ANK1: variants seen among roughly 807,000 people sequenced by gnomAD.
ANK1 encodes the protein ankyrin 1.
In ANK1, 51 loss-of-function variants were observed where a neutral mutation model predicts 210.4. That is an observed-to-expected ratio of 0.24 (90% CI 0.19 to 0.31). ANK1 has a LOEUF of 0.31. Among genes scored for constraint, ANK1 ranks in the 10% least tolerant of loss-of-function variants. ANK1 has a pLI of 1.00. For synonymous variants in ANK1, 967 were observed against 1,025.9 expected (o/e 0.94, Z 1.10); for missense variants, 2,051 against 2,504.4 (o/e 0.82, Z 3.86).
intron 1 of ANK1, among the ~76,000 whole-genome samples, chr8:41,874,582 G>A (rs1816208281): frequency 6.6e-6 from 1 of 152,194 alleles, no homozygotes; most frequent in Non-Finnish European, 1.5e-5. Flanking sequence ...GTGGAGATGA[G>A]TTCATTCCAT....
intron 11 of ANK1, 25 bp downstream of exon 11, chr8:41,718,081 C>T (rs1459014458): frequency 4.3e-6 from 7 of 1,610,936 alleles, no homozygotes; most frequent in Non-Finnish European, 5.9e-6. Flanking sequence ...GGCCTGCCCC[C>T]AGGCTCCTCT....
intron 1 of ANK1, among the ~76,000 whole-genome samples, chr8:41,847,660 C>T (rs2150809203): frequency 6.6e-6 from 1 of 152,258 alleles, no homozygotes; most frequent in Non-Finnish European, 1.5e-5. Context: ...ACTCTAAGTT[C>T]CTGCTCTAAC....
At chr8:41,771,001 C>T (rs1047451295) in intron 1 of ANK1, among the ~76,000 whole-genome samples, 1 of 152,218 alleles carries the variant, frequency 6.6e-6, no homozygotes, top group African/African-American at 2.4e-5. Context: ...CCTTGCTTTC[C>T]CCACCTACTC....
At chr8:41,885,550 G>C (rs1472876728) in intron 1 of ANK1, among the ~76,000 whole-genome samples, 5 of 152,200 alleles carry the variant, frequency 3.3e-5, no homozygotes, top group African/African-American at 9.7e-5. Flanking sequence ...TGCATTGTGT[G>C]CTATCCCAAA....
intron 2 of ANK1, among the ~76,000 whole-genome samples, chr8:41,746,049 A>G (rs1586655300): frequency 1.3e-5 from 2 of 152,282 alleles, no homozygotes; most frequent in African/African-American, 2.4e-5. Context: ...GAGTTCTGAT[A>G]TTATTCCAGG....
chr8:41,893,429 T>C (rs1046846732), intron 1 of ANK1, among the ~76,000 whole-genome samples: 4 of 152,182 alleles, frequency 2.6e-5, no homozygotes, highest in Non-Finnish European at 1.5e-5. Context: ...CTCAGTTCCC[T>C]GCGTCGAGGT....
At chr8:41,880,917 C>T (rs1340026574) in intron 1 of ANK1, among the ~76,000 whole-genome samples, 1 of 152,262 alleles carries the variant, frequency 6.6e-6, no homozygotes, top group African/African-American at 2.4e-5. Context: ...GGCCAAGGGC[C>T]ATTTCCAAGT....
At chr8:41,739,647 G>A (rs2150682546) in intron 2 of ANK1, among the ~76,000 whole-genome samples, 1 of 151,238 alleles carries the variant, frequency 6.6e-6, no homozygotes, top group East Asian at 2.0e-4. Context: ...CTTCTTCTGT[G>A]AAGTTGTCAG....
At chr8:41,746,449 G>A (rs943559401) in intron 2 of ANK1, among the ~76,000 whole-genome samples, 16 of 152,134 alleles carry the variant, frequency 1.1e-4, no homozygotes, top group African/African-American at 2.7e-4. Context: ...GGAGGCAACC[G>A]GCTCTGAGCA....
Position 41,694,622 on chromosome 8 carries a change from G to A in ANK1, c.3297C>T (p.Ala1099=), listed in dbSNP as rs1201691938. 20 of 1,613,728 alleles carry A rather than the reference G, an allele frequency of 1.2e-5. No homozygotes were observed. Among genetic ancestry groups the A allele is most frequent in the Admixed American group, 6.7e-5 (4 of 59,996 alleles). ...GAGCCAGCTTCACTCTCTTGGTGAC[G>A]GCATTCTCCGGGAACGTTGCCTGTA... The part of the protein sequence containing the change: ...PLVQATFPEN[A]VTKRVKLALQ... Residue 1099 remains alanine, a synonymous_variant, in exon 28 of 43, where the codon GCC becomes GCT. Transcript: ENST00000289734. This position sits in a 1 kb window ranked among gnomAD's most constrained non-coding sequence, Gnocchi z 5.7.
intron 1 of ANK1, among the ~76,000 whole-genome samples, chr8:41,872,835 C>T (rs181567095): frequency 6.6e-6 from 1 of 152,366 alleles, no homozygotes; most frequent in East Asian, 1.9e-4. Flanking sequence ...CACCCAAAGC[C>T]TCAGAGCACA....
rs1826931142 is a variant in ANK1, at chr8:41,714,097, CTGG to C, written c.1800+56_1800+58del. On this transcript the variant is annotated intron_variant, in intron 16 of 42. Transcript: ENST00000289734. ...TGTGGAAACCCCCCTCCCTGAGGGA[CTGG>C]AAGGTAGCAGGTGACCTGCTCTCCA... 3.3e-6 allele frequency: 4 copies of C among 1,216,812 alleles called. No individual in the cohort carries two copies. The South Asian group carries it at 1.4e-4, about 42-fold the overall frequency. The allele number at this position is 1,216,812 out of a possible 1,614,324, so 75.4% of individuals were successfully genotyped here. A position where few individuals can be genotyped will look rare whatever the true frequency, so the allele number is the denominator to read the frequency against.
intron 42 of ANK1, chr8:41,661,024 A>G (rs1807907069): frequency 3.6e-6 from 1 of 275,330 alleles, no homozygotes; most frequent in African/African-American, 2.3e-5. Context: ...TTCAAAGAGC[A>G]TTTTTTTCTT....
chr8:41,894,893 G>A (rs1234943223), intron 1 of ANK1, among the ~76,000 whole-genome samples: 1 of 152,040 alleles, frequency 6.6e-6, no homozygotes, highest in African/African-American at 2.4e-5. Context: ...TTCATCATCG[G>A]TTTGAAAAAG....
Position 41,848,509 on chromosome 8 carries a change from G to A in ANK1, c.126+47846C>T, listed in dbSNP as rs962365492. Among the ~76,000 whole-genome samples, 12 of 152,226 alleles carry A rather than the reference G, an allele frequency of 7.9e-5. 1 individual carries two copies. Among genetic ancestry groups the A allele is most frequent in the Non-Finnish European group, 1.3e-4 (9 of 68,036 alleles). ...CAGGCCCAGGACTGACGTTGCTGAT[G>A]CCCTTCCCCAGTGGCCAGCCCTGGG... On this transcript the variant is annotated intron_variant, in intron 1 of 42. Transcript: ENST00000265709.
intron 2 of ANK1, among the ~76,000 whole-genome samples, chr8:41,752,630 C>T (rs954978259): frequency 6.6e-6 from 1 of 152,162 alleles, no homozygotes; most frequent in Non-Finnish European, 1.5e-5. Context: ...GGTGCCACCA[C>T]CCACCTGCCG....
chr8:41,764,586 C>T (rs893185971), intron 1 of ANK1, among the ~76,000 whole-genome samples: 1 of 152,206 alleles, frequency 6.6e-6, no homozygotes, highest in Non-Finnish European at 1.5e-5. Flanking sequence ...AAAACTACCC[C>T]ACCGTGTCCA....
intron 1 of ANK1, among the ~76,000 whole-genome samples, chr8:41,794,711 T>G (rs1232218325): frequency 1.3e-5 from 2 of 152,176 alleles, no homozygotes; most frequent in African/African-American, 4.8e-5. Context: ...GTTTGTTTGT[T>G]TGTTTGTTTT....
chr8:41,814,733 T>TA (rs898332479), intron 1 of ANK1, among the ~76,000 whole-genome samples: 10 of 151,850 alleles, frequency 6.6e-5, no homozygotes, highest in South Asian at 2.1e-4. Context: ...CTTATTTTTT[T>TA]TTATTATTCA....
Sources: allele counts gnomAD v4.1 joint callset (sites outside exome capture counted in the v4.1 genomes callset), GRCh38; gene constraint gnomAD v4.1.1; non-coding constraint Gnocchi (gnomAD v3.1); transcripts MANE v1.5; gene names NCBI Gene and HGNC (gene_info 2026-07-23, HGNC 2026-07-21).